CNTNAP3: variants seen among roughly 807,000 people sequenced by gnomAD.
CNTNAP3 encodes contactin associated protein family member 3.
Under a neutral mutation model 92.1 loss-of-function variants are expected in CNTNAP3, and 36 were observed. That is an observed-to-expected ratio of 0.39 (90% CI 0.30 to 0.52). The LOEUF (loss-of-function observed/expected upper bound fraction) is 0.52, where lower values mean the gene tolerates loss of function less well. Ranked by LOEUF, CNTNAP3 falls within the 20% of genes least tolerant of loss-of-function variation. CNTNAP3 has a pLI of 0.76. For missense variants in CNTNAP3, 534 were observed against 1,069.6 expected (o/e 0.50, Z 6.98); for synonymous variants, 232 against 422.3 (o/e 0.55, Z 5.53).
chr9:39,111,144 A>T (rs1405476196), intron 14 of CNTNAP3, among the ~76,000 whole-genome samples: 1 of 152,190 alleles, frequency 6.6e-6, no homozygotes, highest in African/African-American at 2.4e-5. Context: ...GATAACTGGG[A>T]TATCCATCAC....
intron 13 of CNTNAP3, among the ~76,000 whole-genome samples, chr9:39,119,041 G>C (rs1419490321): frequency 6.6e-6 from 1 of 152,118 alleles, no homozygotes; most frequent in East Asian, 1.9e-4. Context: ...TCACAGTAAA[G>C]TTAGGATAAT....
chr9:39,089,831 T>C (rs867617000), intron 18 of CNTNAP3, among the ~76,000 whole-genome samples: 1 of 152,312 alleles, frequency 6.6e-6, no homozygotes, highest in African/African-American at 2.4e-5. Context: ...TTTTTCATGA[T>C]TTTATTGGAC....
At chr9:39,107,213 G>A (rs560563002) in intron 15 of CNTNAP3, among the ~76,000 whole-genome samples, 15 of 147,186 alleles carry the variant, frequency 1.0e-4, no homozygotes, top group Admixed American at 8.8e-4. Context: ...CAAACATACT[G>A]AGAAAGAAAA....
Position 39,131,243 on chromosome 9 carries a change from C to G in CNTNAP3, c.2080+1689G>C, listed in dbSNP as rs1426286199. Among the ~76,000 whole-genome samples the G allele has an allele frequency of 3.3e-5, 5 of 152,002 alleles. No individual in the cohort carries two copies. The South Asian group carries it at 8.3e-4, about 25-fold the overall frequency. ...ACTGGGAAGGAGAGTTTCTTACTTACTGAACTTATGTAAGCTATCTCATTT... is the reference window on the plus strand; with the variant it reads ...ACTGGGAAGGAGAGTTTCTTACTTAGTGAACTTATGTAAGCTATCTCATTT... On this transcript the variant is annotated intron_variant, in intron 13 of 23. Transcript: ENST00000297668.
At chr9:39,076,936 G>A (rs1344771353) in intron 23 of CNTNAP3, among the ~76,000 whole-genome samples, 2 of 152,060 alleles carry the variant, frequency 1.3e-5, no homozygotes, top group Admixed American at 1.3e-4. Flanking sequence ...CAGCCTTTGC[G>A]ACGAGCGAGA....
At chr9:39,107,819 T>C (rs1399328692) in intron 15 of CNTNAP3, among the ~76,000 whole-genome samples, 1 of 152,202 alleles carries the variant, frequency 6.6e-6, no homozygotes, top group East Asian at 1.9e-4. Flanking sequence ...ATTCAAAGCA[T>C]AATAAAAACC....
intron 13 of CNTNAP3, among the ~76,000 whole-genome samples, chr9:39,131,262 C>T (rs1397272224): frequency 3.3e-5 from 5 of 152,088 alleles, no homozygotes; most frequent in South Asian, 2.1e-4. Context: ...TGTAAGCTAT[C>T]TCATTTATAA....
chr9:39,135,274 C>A (rs916569802), intron 12 of CNTNAP3, among the ~76,000 whole-genome samples: 31 of 152,074 alleles, frequency 2.0e-4, no homozygotes, highest in Admixed American at 7.9e-4. Context: ...TTATATTTTT[C>A]TTTTTCTTTT....
chr9:39,163,547 T>G lies in CNTNAP3; in HGVS notation c.1477+2386A>C, dbSNP rs187137742. 4.0e-4 allele frequency among the ~76,000 whole-genome samples: 47 copies of G among 117,986 alleles called. 2 individuals are homozygous for G. The highest frequency in any genetic ancestry group is 6.8e-4 in the Admixed American group (8 of 11,826). The allele number at this position is 117,986 out of a possible 152,430, so 77.4% of individuals were successfully genotyped here. ...TTAACTAATTTTAAAAATCTTGGCCTGGCACAGTGGCTCATGTCTGTAATC... is the reference window on the plus strand; with the variant it reads ...TTAACTAATTTTAAAAATCTTGGCCGGGCACAGTGGCTCATGTCTGTAATC... On this transcript the variant is annotated intron_variant, in intron 9 of 23. Transcript: ENST00000297668.
intron 19 of CNTNAP3, among the ~76,000 whole-genome samples, chr9:39,087,450 TTAGTTTA>T (rs1248878535): frequency 6.6e-5 from 10 of 152,068 alleles, no homozygotes; most frequent in Non-Finnish European, 1.2e-4. Flanking sequence ...TAATTCTCTT[TTAGTTTA>T]TACTAAGATC....
chr9:39,150,064 G>A (rs1821806768), intron 9 of CNTNAP3, 87 bp from the exon 10 acceptor site: 1 of 891,788 alleles, frequency 1.1e-6, no homozygotes, highest in Non-Finnish European at 1.7e-6. Context: ...TGCTGCTCCC[G>A]CTTGTTTATG....
intron 21 of CNTNAP3, among the ~76,000 whole-genome samples, chr9:39,080,242 A>C (rs1825899152): frequency 7.0e-6 from 1 of 142,690 alleles, no homozygotes; most frequent in African/African-American, 2.8e-5. Context: ...GTTTTAACCC[A>C]AATCTCCCAC....
At chr9:39,092,335 C>A (rs1826224581) in intron 18 of CNTNAP3, among the ~76,000 whole-genome samples, 1 of 142,736 alleles carries the variant, frequency 7.0e-6, no homozygotes, top group South Asian at 2.3e-4. Context: ...GGTGGCAGGT[C>A]AGGTTTTTTA....
chr9:39,159,639 G>T lies in CNTNAP3; in HGVS notation c.1477+6294C>A, dbSNP rs1247436258. ...GGGCCACCACGCCTGGAGATAGATA[G>T]ATAGATAGATAGATAGATAGATAGA... On this transcript the variant is annotated intron_variant, in intron 9 of 23. Coordinates refer to ENST00000297668, the MANE Select transcript of CNTNAP3 (RefSeq NM_033655.5). The T allele has an allele frequency of 2.3e-3, 314 of 134,908 alleles. 5 individuals carry two copies. Among genetic ancestry groups the T allele is most frequent in the African/African-American group, 9.5e-3 (292 of 30,862 alleles). The allele number at this position is 134,908 out of a possible 1,614,324, so 8.4% of individuals were successfully genotyped here. A position where few individuals can be genotyped will look rare whatever the true frequency, so the allele number is the denominator to read the frequency against.
chr9:39,128,357 A>T (rs1456273497), intron 13 of CNTNAP3, among the ~76,000 whole-genome samples: 1 of 152,044 alleles, frequency 6.6e-6, no homozygotes, highest in Non-Finnish European at 1.5e-5. Context: ...AATATTAATA[A>T]ATGAAACACA....
chr9:39,101,207 G>T (rs562578950), intron 17 of CNTNAP3, among the ~76,000 whole-genome samples: 14 of 149,646 alleles, frequency 9.4e-5, no homozygotes, highest in African/African-American at 3.4e-4. Context: ...AGCTAACCAC[G>T]CCTGAAGCTA....
chr9:39,115,589 G>A (rs1281235107), intron 14 of CNTNAP3, among the ~76,000 whole-genome samples: 1 of 148,636 alleles, frequency 6.7e-6, no homozygotes, highest in Non-Finnish European at 1.5e-5. Context: ...TCTACTGGAA[G>A]CTGCAAAGTA....
chr9:39,099,217 G>C (rs955718524), intron 18 of CNTNAP3, among the ~76,000 whole-genome samples: 7 of 152,072 alleles, frequency 4.6e-5, no homozygotes, highest in Non-Finnish European at 1.0e-4. Context: ...GCCTCCCAAA[G>C]TGCTGGGATT....
intron 13 of CNTNAP3, among the ~76,000 whole-genome samples, chr9:39,129,698 C>G (rs1300265312): frequency 2.6e-5 from 4 of 151,820 alleles, no homozygotes; most frequent in African/African-American, 9.7e-5. Context: ...AATAGGCAAG[C>G]AACAGAGTGG....
Sources: allele counts gnomAD v4.1 joint callset (sites outside exome capture counted in the v4.1 genomes callset), GRCh38; gene constraint gnomAD v4.1.1; transcripts MANE v1.5; gene names NCBI Gene and HGNC (gene_info 2026-07-23, HGNC 2026-07-21).